The following GALNT6 variants were observed in gnomAD, a reference collection of about 807,000 sequenced individuals.
GALNT6 encodes polypeptide N-acetylgalactosaminyltransferase 6.
In GALNT6, 51 loss-of-function variants were observed where a neutral mutation model predicts 65.9. The ratio of observed to expected loss-of-function variants is 0.77; its 90% CI spans 0.62 to 0.98. The LOEUF is 0.98. Among genes scored for constraint, GALNT6 ranks in the 50% least tolerant of loss-of-function variants. The probability of loss-of-function intolerance (pLI) is 0.00; values close to 1 mark genes in which losing one functional copy is unlikely to be tolerated. For missense variants in GALNT6, 708 were observed against 803.3 expected (o/e 0.88, Z 1.43); for synonymous variants, 323 against 315.1 (o/e 1.02, Z -0.26).
In GALNT6 at chr12:51,377,371, GAAGTATGA is replaced by G; in HGVS notation, c.492-12_492-5del. The G allele has an allele frequency of 6.2e-7, 1 of 1,612,072 alleles. No individual in the cohort carries two copies. The highest frequency in any genetic ancestry group is 1.3e-5 in the African/African-American group (1 of 74,986). On this transcript the variant is annotated splice_region_variant and splice_polypyrimidine_tract_variant and intron_variant, in intron 3 of 11. Transcript: ENST00000356317. ...CCGGAACTTCTGGTCCACACACCTGGAAGTATGAAAGTACGGACAAAGTTCTCCTGGTC... is the reference window on the plus strand; with the variant it reads ...CCGGAACTTCTGGTCCACACACCTGGAAGTACGGACAAAGTTCTCCTGGTC...
chr12:51,373,260 C>G (rs1347999244), intron 4 of GALNT6, among the ~76,000 whole-genome samples: 2 of 152,070 alleles, frequency 1.3e-5, no homozygotes, highest in Non-Finnish European at 2.9e-5. Context: ...GTTTCCTCAC[C>G]CAAATCTCAT....
rs560909213 is a variant in GALNT6, at chr12:51,379,946, G to A, written c.-103-62C>T. Reference sequence around the variant, plus strand: ...ACACAGGGTAAGGAGGGAGTCGGGTGCTTGGGGTTCGAGGCCAGGCTCTGT... The same window carrying A: ...ACACAGGGTAAGGAGGGAGTCGGGTACTTGGGGTTCGAGGCCAGGCTCTGT... On this transcript the variant is annotated intron_variant, in intron 2 of 11. Coordinates refer to ENST00000356317, the MANE Select transcript of GALNT6 (RefSeq NM_007210.4). 2.4e-5 allele frequency: 17 copies of A among 717,352 alleles called. No individual in the cohort carries two copies. In the East Asian group the frequency reaches 4.4e-4, roughly 18 times the overall value. The allele number at this position is 717,352 out of a possible 1,614,324, so 44.4% of individuals were successfully genotyped here. A position where few individuals can be genotyped will look rare whatever the true frequency, so the allele number is the denominator to read the frequency against.
In GALNT6 at chr12:51,351,694, G is replaced by C. The variant is rs3858627; in HGVS notation, c.*2685C>G. On this transcript the variant is annotated 3_prime_UTR_variant, in exon 12 of 12. Transcript: ENST00000356317. ...GTTCCACGGGGACAGGACCTCGTTT[G>C]ACGTCTCACGTCTCCACGTGCTTGA... is the stretch of plus-strand genomic sequence containing the variant. The C allele has an allele frequency of 0.25, 37,783 of 152,088 alleles. 5,426 individuals carry two copies. Among genetic ancestry groups the C allele is most frequent in the Non-Finnish European group, 0.34 (22,827 of 67,970 alleles). The allele number at this position is 152,088 out of a possible 1,614,324, so 9.4% of individuals were successfully genotyped here. A position where few individuals can be genotyped will look rare whatever the true frequency, so the allele number is the denominator to read the frequency against.
intron 6 of GALNT6, among the ~76,000 whole-genome samples, chr12:51,363,031 C>T (rs531857920): frequency 5.9e-5 from 9 of 152,184 alleles, no homozygotes; most frequent in South Asian, 4.2e-4. Flanking sequence ...ATTCTGGGCA[C>T]GTGGAGAGGA....
intron 2 of GALNT6, among the ~76,000 whole-genome samples, chr12:51,382,781 C>T (rs1233150328): frequency 2.0e-5 from 3 of 152,054 alleles, no homozygotes; most frequent in Admixed American, 2.0e-4. Flanking sequence ...CGGAGTCTGA[C>T]CCAGGAGAGT....
At chr12:51,381,349 C>T (rs927474385) in intron 2 of GALNT6, among the ~76,000 whole-genome samples, 4 of 152,190 alleles carry the variant, frequency 2.6e-5, no homozygotes, top group Non-Finnish European at 5.9e-5. Context: ...TGGGCATGGG[C>T]GTTCACCAGG....
Position 51,354,204 on chromosome 12 carries a change from A to G in GALNT6, c.*175T>C. 2 of 529,212 alleles carry G rather than the reference A, an allele frequency of 3.8e-6. No homozygotes were observed. Among genetic ancestry groups the G allele is most frequent in the South Asian group, 2.8e-5 (1 of 35,256 alleles). The allele number at this position is 529,212 out of a possible 1,614,324, so 32.8% of individuals were successfully genotyped here. A position where few individuals can be genotyped will look rare whatever the true frequency, so the allele number is the denominator to read the frequency against. ...ATGGTCTCTTCCATCGGTGTGAAGG[A>G]AAGAAAATGGGCCCAATGTTGTTGC... is the stretch of plus-strand genomic sequence containing the variant. On this transcript the variant is annotated 3_prime_UTR_variant, in exon 12 of 12. Transcript: ENST00000356317.
intron 4 of GALNT6, among the ~76,000 whole-genome samples, chr12:51,375,953 C>T (rs1484811043): frequency 2.0e-5 from 3 of 151,130 alleles, no homozygotes; most frequent in South Asian, 2.1e-4. Flanking sequence ...CTACGCCTCC[C>T]GGGTTCAGGT....
chr12:51,361,077 C>T (rs1013651031), intron 6 of GALNT6, among the ~76,000 whole-genome samples: 1 of 152,210 alleles, frequency 6.6e-6, no homozygotes, highest in Non-Finnish European at 1.5e-5. Flanking sequence ...CTCATTCATT[C>T]GTTCAACCTA....
At chr12:51,375,848 C>T (rs1293059005) in intron 4 of GALNT6, among the ~76,000 whole-genome samples, 1 of 151,926 alleles carries the variant, frequency 6.6e-6, no homozygotes. Flanking sequence ...TGAGCCACCA[C>T]GCCCAGTCCT....
intron 10 of GALNT6, among the ~76,000 whole-genome samples, chr12:51,356,945 T>C (rs1401124676): frequency 6.6e-6 from 1 of 152,128 alleles, no homozygotes; most frequent in Non-Finnish European, 1.5e-5. Context: ...CACTTACTAG[T>C]GCTGGGCACC....
Position 51,359,200 on chromosome 12 carries a change from C to G in GALNT6, c.1300G>C (p.Val434Leu), listed in dbSNP as rs753082249. The G allele has an allele frequency of 6.2e-7, 1 of 1,614,194 alleles. No individual in the cohort carries two copies. Among genetic ancestry groups the G allele is most frequent in the Non-Finnish European group, 8.5e-7 (1 of 1,180,016 alleles). Reference protein sequence around the residue: ...IARNQVRLAEVWMDSYKKIFY... With the variant: ...IARNQVRLAELWMDSYKKIFY... ...ATCTTCTTGTAGCTGTCCATCCAGA[C>G]CTCTGCCAGGCGCACTTGATTGCGA... The change falls in exon 8 of 12, where the codon GTC becomes CTC. Residue 434 changes from valine (V) to leucine (L), a missense_variant. By Grantham distance (32) the Val-to-Leu change is conservative. Transcript: ENST00000356317.
Position 51,354,128 on chromosome 12 carries a change from G to T in GALNT6, c.*251C>A, listed in dbSNP as rs2137513544. 2.6e-6 allele frequency: 1 copy of T among 389,924 alleles called. No individual in the cohort carries two copies. Among genetic ancestry groups the T allele is most frequent in the South Asian group, 5.1e-5 (1 of 19,648 alleles). The allele number at this position is 389,924 out of a possible 1,614,324, so 24.2% of individuals were successfully genotyped here. On this transcript the variant is annotated 3_prime_UTR_variant, in exon 12 of 12. Coordinates refer to ENST00000356317, the MANE Select transcript of GALNT6 (RefSeq NM_007210.4). Reference sequence around the variant, plus strand: ...CTCCCCCAGCTGCCTTCCCTACTTTGGGAGCCTCTATTTCTAGAACAGGAA... The same window carrying T: ...CTCCCCCAGCTGCCTTCCCTACTTTTGGAGCCTCTATTTCTAGAACAGGAA...
intron 4 of GALNT6, among the ~76,000 whole-genome samples, chr12:51,368,877 G>T (rs1947197472): frequency 6.6e-6 from 1 of 152,178 alleles, no homozygotes; most frequent in South Asian, 2.1e-4. Flanking sequence ...ATCAAAATCA[G>T]CCTCATGCAG....
intron 6 of GALNT6, among the ~76,000 whole-genome samples, chr12:51,362,962 C>A (rs1031126190): frequency 6.6e-6 from 1 of 152,046 alleles, no homozygotes; most frequent in Non-Finnish European, 1.5e-5. Context: ...CTCAGCCTCT[C>A]ATCTAGCTGG....
In GALNT6 at chr12:51,379,648, G is replaced by A. The variant is rs1199826980; in HGVS notation, c.134C>T (p.Ser45Phe). 3 of 1,614,046 alleles carry A rather than the reference G, an allele frequency of 1.9e-6. No homozygotes were observed. The highest frequency in any genetic ancestry group is 2.5e-6 in the Non-Finnish European group (3 of 1,180,014). The stretch of plus-strand genomic sequence containing the variant: ...GACGTGATCCTTCCGGCTCACCAGG[G>A]ACTTCAGCCACGGCTTCTCTGTGGC... ...EEATEKPWLKSLVSRKDHVLD... is the reference protein window; with the variant it reads ...EEATEKPWLKFLVSRKDHVLD... Residue 45 changes from serine (S) to phenylalanine (F), a missense_variant, in exon 3 of 12, where the codon TCC (serine) becomes TTC (phenylalanine). Ser to Phe is a radical substitution (Grantham distance 155). Coordinates refer to ENST00000356317, the MANE Select transcript of GALNT6 (RefSeq NM_007210.4).
chr12:51,379,195 A>G (rs961742062), intron 3 of GALNT6, 96 bp downstream of exon 3: 4 of 1,282,228 alleles, frequency 3.1e-6, no homozygotes, highest in Non-Finnish European at 4.2e-6. Flanking sequence ...ATTCCCTTCA[A>G]CTCTTTCTCT....
Position 51,374,187 on chromosome 12 carries a change from G to T in GALNT6, c.664+3008C>A, listed in dbSNP as rs530847443. 2.0e-5 allele frequency among the ~76,000 whole-genome samples: 3 copies of T among 152,024 alleles called. No individual in the cohort carries two copies. The South Asian group carries it at 6.2e-4, about 32-fold the overall frequency. On this transcript the variant is annotated intron_variant, in intron 4 of 11. Coordinates refer to ENST00000356317, the MANE Select transcript of GALNT6 (RefSeq NM_007210.4). The stretch of plus-strand genomic sequence containing the variant: ...TTTTACTTTATTTGTATCTTTTTTA[G>T]AGACAAGGTCTCACTCTGCCATCCA...
At chr12:51,379,928 G>T in intron 2 of GALNT6, 44 bp from the exon 3 acceptor site, 2 of 828,146 alleles carry the variant, frequency 2.4e-6, no homozygotes, top group South Asian at 1.9e-5. Flanking sequence ...CCAACACAGG[G>T]TAAGGAGGGA....
Sources: allele counts gnomAD v4.1 joint callset (sites outside exome capture counted in the v4.1 genomes callset), GRCh38; gene constraint gnomAD v4.1.1; transcripts MANE v1.5; gene names NCBI Gene and HGNC (gene_info 2026-07-23, HGNC 2026-07-21).